Variants in GRM1 observed in about 807,000 individuals in gnomAD.
GRM1 encodes metabotropic glutamate receptor 1.
GRM1 carries 33 observed loss-of-function variants against 90.9 expected under a neutral mutation model. That is an observed-to-expected ratio of 0.36 (90% CI 0.28 to 0.49). The LOEUF is 0.49. GRM1 is among the 20% of genes least tolerant of loss of function. GRM1 has a pLI of 0.99. For synonymous variants in GRM1, 700 were observed against 613.2 expected (o/e 1.14, Z -2.09); for missense variants, 1,190 against 1,534.3 (o/e 0.78, Z 3.75).
intron 2 of GRM1, among the ~76,000 whole-genome samples, chr6:146,255,313 T>C (rs1362558492): frequency 6.6e-6 from 1 of 152,202 alleles, no homozygotes; most frequent in East Asian, 1.9e-4. Context: ...TTATTTTAGT[T>C]AGTCTTTCAC....
chr6:146,284,606 G>A (rs1051485574), intron 2 of GRM1, among the ~76,000 whole-genome samples: 4 of 152,248 alleles, frequency 2.6e-5, no homozygotes, highest in African/African-American at 7.2e-5. Context: ...TCATGGAGAC[G>A]ATTTCCCCCA....
rs984948869 is a variant in GRM1, at chr6:146,427,313, A to G, written c.2661-6559A>G. On this transcript the variant is annotated intron_variant, in intron 7 of 7. Coordinates refer to ENST00000282753, the MANE Select transcript of GRM1 (RefSeq NM_001278064.2). ...CCATTTTTGACCTTTAGCTCTTGAC[A>G]GTGTCTTTTTAAGTTAACAAAAGAA... 2.6e-5 allele frequency among the ~76,000 whole-genome samples: 4 copies of G among 152,316 alleles called. No individual in the cohort carries two copies. The East Asian group carries it at 7.7e-4, about 29-fold the overall frequency.
rs150891824 is a variant in GRM1 at position 146,076,830 on chromosome 6, C to A, written c.700+46613C>A. Reference sequence around the variant, plus strand: ...CTTCAGGACCAGTGACTCTCTGGGTCAAATACATTAACCCAGCTTCTCCTT... The same window carrying A: ...CTTCAGGACCAGTGACTCTCTGGGTAAAATACATTAACCCAGCTTCTCCTT... On this transcript the variant is annotated intron_variant, in intron 1 of 7. Coordinates refer to ENST00000282753, the MANE Select transcript of GRM1 (RefSeq NM_001278064.2). 1.4e-3 allele frequency among the ~76,000 whole-genome samples: 207 copies of A among 152,252 alleles called. 1 individual carries two copies. Among genetic ancestry groups the A allele is most frequent in the Non-Finnish European group, 2.4e-3 (164 of 68,016 alleles).
intron 2 of GRM1, among the ~76,000 whole-genome samples, chr6:146,270,061 T>C (rs1407734118): frequency 1.3e-5 from 2 of 152,028 alleles, no homozygotes; most frequent in African/African-American, 4.8e-5. Context: ...TTTTTGCATA[T>C]GGTATATTAA....
intron 1 of GRM1, among the ~76,000 whole-genome samples, chr6:146,072,556 T>A (rs527726536): frequency 1.3e-5 from 2 of 152,284 alleles, no homozygotes; most frequent in East Asian, 3.9e-4. Flanking sequence ...GTACTAATTC[T>A]TTTTTTACTG....
chr6:146,238,817 T>C (rs184476640), intron 2 of GRM1, among the ~76,000 whole-genome samples: 209 of 152,100 alleles, frequency 1.4e-3, no homozygotes, highest in Non-Finnish European at 2.2e-3. Context: ...AATATGCATT[T>C]AACACATTTT....
At chr6:146,044,285 C>A (rs1282313378) in intron 1 of GRM1, among the ~76,000 whole-genome samples, 1 of 151,882 alleles carries the variant, frequency 6.6e-6, no homozygotes, top group Non-Finnish European at 1.5e-5. Flanking sequence ...CTGGGAAAGG[C>A]GAGTCTGTTT....
intron 3 of GRM1, among the ~76,000 whole-genome samples, chr6:146,342,068 C>G (rs1302936601): frequency 6.6e-6 from 1 of 152,158 alleles, no homozygotes; most frequent in Non-Finnish European, 1.5e-5. Flanking sequence ...ATGTAACAGT[C>G]TGGGAACTCA....
chr6:146,211,760 C>G (rs79985676), intron 2 of GRM1, among the ~76,000 whole-genome samples: 1,613 of 152,224 alleles, frequency 0.011, 18 homozygotes, highest in Non-Finnish European at 0.018. Context: ...AATCTTTTTT[C>G]TAAATGTTAA....
chr6:146,331,964 A>G (rs1168166530), intron 3 of GRM1, among the ~76,000 whole-genome samples: 1 of 152,164 alleles, frequency 6.6e-6, no homozygotes, highest in African/African-American at 2.4e-5. Context: ...TCACAGGACT[A>G]GTATGGAGAC....
At chr6:146,303,475 T>C (rs1239921650) in intron 2 of GRM1, among the ~76,000 whole-genome samples, 1 of 152,206 alleles carries the variant, frequency 6.6e-6, no homozygotes, top group African/African-American at 2.4e-5. Context: ...TTTCTCTGCC[T>C]TTTTGAGATG....
intron 6 of GRM1, among the ~76,000 whole-genome samples, chr6:146,388,800 A>G (rs1241050026): frequency 6.6e-6 from 1 of 152,106 alleles, no homozygotes; most frequent in Admixed American, 6.6e-5. Flanking sequence ...TCTCTGGCGC[A>G]TAGCCTGATG....
chr6:146,138,905 A>T (rs377070923), intron 1 of GRM1, among the ~76,000 whole-genome samples: 16 of 150,600 alleles, frequency 1.1e-4, no homozygotes, highest in African/African-American at 2.7e-4. Context: ...GTTCTTTAAG[A>T]TGCATACTTA....
chr6:146,153,083 T>A (rs752834713), intron 1 of GRM1, among the ~76,000 whole-genome samples: 1 of 152,112 alleles, frequency 6.6e-6, no homozygotes, highest in Non-Finnish European at 1.5e-5. Context: ...CATGACCTGG[T>A]AGATAGCCAA....
chr6:146,296,192 G>T (rs1177583954), intron 2 of GRM1, among the ~76,000 whole-genome samples: 1 of 152,160 alleles, frequency 6.6e-6, no homozygotes, highest in African/African-American at 2.4e-5. Context: ...ACTTGCATGT[G>T]TCTTTATGGT....
intron 2 of GRM1, among the ~76,000 whole-genome samples, chr6:146,169,409 G>T (rs1778020705): frequency 6.6e-6 from 1 of 152,122 alleles, no homozygotes; most frequent in South Asian, 2.1e-4. Context: ...TATGGGGTAT[G>T]TGCTGTTCTC....
chr6:146,134,073 C>T (rs1420773335), intron 1 of GRM1, among the ~76,000 whole-genome samples: 1 of 152,220 alleles, frequency 6.6e-6, no homozygotes, highest in African/African-American at 2.4e-5. Context: ...GTGTTCCACA[C>T]AGGCACAGTG....
intron 3 of GRM1, among the ~76,000 whole-genome samples, chr6:146,305,673 T>C (rs1010227182): frequency 6.6e-6 from 1 of 152,194 alleles, no homozygotes; most frequent in Non-Finnish European, 1.5e-5. Flanking sequence ...TAATGGGTGA[T>C]GGAATCTATC....
In GRM1 at chr6:146,328,281, C is replaced by T. The variant is rs141901673; in HGVS notation, c.1186+23435C>T. 1.7e-3 allele frequency among the ~76,000 whole-genome samples: 254 copies of T among 152,260 alleles called. 3 individuals are homozygous for T. Among genetic ancestry groups the T allele is most frequent in the Admixed American group, 6.5e-4 (10 of 15,294 alleles). ...ATTAAAATAAAAGTGATACCCACTA[C>T]GCCTAAGCCCATACACACACACACA... On this transcript the variant is annotated intron_variant, in intron 3 of 7. Transcript: ENST00000282753.
Sources: gnomAD v4.1 joint callset for allele counts (sites outside exome capture counted in the v4.1 genomes callset) on GRCh38, gnomAD v4.1.1 for gene constraint, MANE v1.5 for transcripts, NCBI Gene and HGNC (gene_info 2026-07-23, HGNC 2026-07-21) for gene names.